Variants in FRMD4A observed in about 807,000 individuals in gnomAD.
FRMD4A encodes the protein FERM domain containing 4A.
Under a neutral mutation model 129.1 loss-of-function variants are expected in FRMD4A, and 29 were observed. The observed-to-expected ratio is 0.22, with a 90% confidence interval of 0.17 to 0.31. The LOEUF is 0.31. Among genes scored for constraint, FRMD4A ranks in the 10% least tolerant of loss-of-function variants. The probability of loss-of-function intolerance (pLI) is 1.00; values close to 1 mark genes in which losing one functional copy is unlikely to be tolerated. For synonymous variants in FRMD4A, 634 were observed against 571.6 expected, an observed-to-expected ratio of 1.11 and a Z score of -1.56; for missense variants, 1,272 against 1,375.8, an observed-to-expected ratio of 0.92 and a Z score of 1.19.
intron 9 of FRMD4A, among the ~76,000 whole-genome samples, chr10:13,744,878 T>A (rs184899740): frequency 1.3e-5 from 2 of 152,340 alleles, no homozygotes; most frequent in East Asian, 3.9e-4. Context: ...CTTCATTCTG[T>A]ATCTGTAGGA....
At chr10:13,824,107 T>C (rs2093666104) in intron 3 of FRMD4A, among the ~76,000 whole-genome samples, 1 of 152,002 alleles carries the variant, frequency 6.6e-6, no homozygotes. Context: ...AGAAAAAATA[T>C]TAGTACAGTC....
At chr10:14,266,519 G>A (rs1844985607) in intron 2 of FRMD4A, among the ~76,000 whole-genome samples, 1 of 150,978 alleles carries the variant, frequency 6.6e-6, no homozygotes, top group African/African-American at 2.5e-5. Context: ...GTGTGTGTGT[G>A]TGTGTATGTG....
chr10:14,212,904 C>G (rs935837286), intron 2 of FRMD4A, among the ~76,000 whole-genome samples: 1 of 152,156 alleles, frequency 6.6e-6, no homozygotes. Context: ...GTGAAGCCCT[C>G]GGAGAAGTCA....
At chr10:14,303,179 G>A (rs1012639252) in intron 2 of FRMD4A, among the ~76,000 whole-genome samples, 1 of 152,158 alleles carries the variant, frequency 6.6e-6, no homozygotes, top group Non-Finnish European at 1.5e-5. Flanking sequence ...GCAATTTTTA[G>A]AAAGCCTCCT....
chr10:13,674,066 C>A (rs1378631469), intron 16 of FRMD4A, among the ~76,000 whole-genome samples: 1 of 152,034 alleles, frequency 6.6e-6, no homozygotes, highest in African/African-American at 2.4e-5. Context: ...CTGTGCCCAG[C>A]CTGCATAAAA....
chr10:13,740,215 C>G lies in FRMD4A; in HGVS notation c.651G>C (p.Gly217=), dbSNP rs1388177320. ...TCACCTTCACTGCATAATAGTGAACCCCGTAGGTTGGGAGAGACTCCACGA... is the reference window on the plus strand; with the variant it reads ...TCACCTTCACTGCATAATAGTGAACGCCGTAGGTTGGGAGAGACTCCACGA... ...MSIVESLPTY[G]VHYYAVKDKQ... Residue 217 remains glycine, a synonymous_variant, in exon 11 of 25, where the codon GGG becomes GGC. Transcript: ENST00000357447. The G allele has an allele frequency of 6.2e-7, 1 of 1,608,538 alleles. No individual in the cohort carries two copies. Among genetic ancestry groups the G allele is most frequent in the Non-Finnish European group, 8.5e-7 (1 of 1,174,944 alleles).
intron 23 of FRMD4A, chr10:13,654,002 C>T (rs2081915441): frequency 1.6e-5 from 5 of 308,040 alleles, no homozygotes; most frequent in Non-Finnish European, 2.9e-5. Flanking sequence ...TCCTAAGACA[C>T]TGGCTGTTTC....
At chr10:14,014,145 G>A (rs2095690713) in intron 2 of FRMD4A, among the ~76,000 whole-genome samples, 1 of 152,110 alleles carries the variant, frequency 6.6e-6, no homozygotes, top group South Asian at 2.1e-4. Context: ...GCCATCACCC[G>A]AACCTGCCCC....
At chr10:14,281,385 G>A (rs1368215404) in intron 2 of FRMD4A, among the ~76,000 whole-genome samples, 1 of 152,228 alleles carries the variant, frequency 6.6e-6, no homozygotes, top group Non-Finnish European at 1.5e-5. Context: ...AATTGGGTTG[G>A]TGCAAAAGTA....
intron 2 of FRMD4A, among the ~76,000 whole-genome samples, chr10:14,183,703 C>G (rs1294396430): frequency 6.6e-6 from 1 of 152,080 alleles, no homozygotes; most frequent in African/African-American, 2.4e-5. Context: ...TGAATCTTAA[C>G]CATGGTATCT....
chr10:14,002,268 C>G (rs1235926354), intron 2 of FRMD4A, among the ~76,000 whole-genome samples: 2 of 152,176 alleles, frequency 1.3e-5, no homozygotes, highest in African/African-American at 4.8e-5. Context: ...CAGATTTGTA[C>G]TACTTTGTGA....
At chr10:13,774,123 C>T (rs562762263) in intron 6 of FRMD4A, among the ~76,000 whole-genome samples, 2 of 152,314 alleles carry the variant, frequency 1.3e-5, no homozygotes, top group East Asian at 3.9e-4. Context: ...ATGTAGGAAT[C>T]CTATTCCACA....
In FRMD4A at chr10:13,932,271, T is replaced by C. The variant is rs537342880; in HGVS notation, c.46-73359A>G. On this transcript the variant is annotated intron_variant, in intron 2 of 24. Coordinates refer to ENST00000357447, the MANE Select transcript of FRMD4A (RefSeq NM_018027.5). ...AAATGTTTGTTCAATGAAAGTTGAA[T>C]GAGTGCTTTAATGTTAGCTAACTAA... Among the ~76,000 whole-genome samples, 6 of 152,346 alleles carry C rather than the reference T, an allele frequency of 3.9e-5. No individual in the cohort carries two copies. The South Asian group carries it at 1.2e-3, about 32-fold the overall frequency.
chr10:13,723,754 C>G (rs1207216126), intron 12 of FRMD4A, among the ~76,000 whole-genome samples: 1 of 152,196 alleles, frequency 6.6e-6, no homozygotes, highest in African/African-American at 2.4e-5. Context: ...CTGCCACCCA[C>G]AGGGGGAAGG....
intron 15 of FRMD4A, among the ~76,000 whole-genome samples, chr10:13,687,718 T>C (rs2085228953): frequency 6.6e-6 from 1 of 152,218 alleles, no homozygotes; most frequent in Admixed American, 6.5e-5. Flanking sequence ...AAGCAATCAC[T>C]GGGCTGTCAC....
At chr10:14,178,411 G>T (rs1841804216) in intron 2 of FRMD4A, among the ~76,000 whole-genome samples, 1 of 152,142 alleles carries the variant, frequency 6.6e-6, no homozygotes, top group Non-Finnish European at 1.5e-5. Flanking sequence ...AAAGCACAAA[G>T]TCTTGTGTTT....
chr10:13,760,311 C>A (rs982572784), intron 8 of FRMD4A, among the ~76,000 whole-genome samples: 1 of 152,020 alleles, frequency 6.6e-6, no homozygotes, highest in African/African-American at 2.4e-5. Flanking sequence ...GCTGAGATGT[C>A]TGACTGAGAA....
chr10:13,719,932 T>A (rs1045359788), intron 12 of FRMD4A, among the ~76,000 whole-genome samples: 5 of 152,196 alleles, frequency 3.3e-5, no homozygotes, highest in African/African-American at 1.2e-4. Flanking sequence ...GGAGCAATTT[T>A]TATGCTTTTC....
intron 21 of FRMD4A, among the ~76,000 whole-genome samples, chr10:13,658,459 G>C (rs1345511907): frequency 6.6e-6 from 1 of 152,260 alleles, no homozygotes; most frequent in African/African-American, 2.4e-5. Flanking sequence ...GGGACTGCAT[G>C]TGAACTTCAC....
Sources: allele counts gnomAD v4.1 joint callset (sites outside exome capture counted in the v4.1 genomes callset), GRCh38; gene constraint gnomAD v4.1.1; transcripts MANE v1.5; gene names NCBI Gene and HGNC (gene_info 2026-07-23, HGNC 2026-07-21).